UGT1A6: variants seen among roughly 807,000 people sequenced by gnomAD.
UGT1A6 encodes UDP glucuronosyltransferase family 1 member A6.
Under a neutral mutation model 44.4 loss-of-function variants are expected in UGT1A6, and 32 were observed. The observed-to-expected ratio is 0.72, with a 90% CI of 0.54 to 0.97. The LOEUF (loss-of-function observed/expected upper bound fraction) is 0.97. UGT1A6 is among the 50% of genes least tolerant of loss of function. The pLI is 0.00. For synonymous variants in UGT1A6, 238 were observed against 248.5 expected, an observed-to-expected ratio of 0.96 and a Z score of 0.40; for missense variants, 685 against 661.9, an observed-to-expected ratio of 1.03 and a Z score of -0.38.
chr2:233,713,574 C>A (rs1477870335), intron 1 of UGT1A6: 4 of 1,613,856 alleles, frequency 2.5e-6, no homozygotes, highest in Non-Finnish European at 3.4e-6. Context: ...CTCCTATATT[C>A]CTAGATTACT....
chr2:233,743,752 C>A, intron 1 of UGT1A6: 1 of 1,367,386 alleles, frequency 7.3e-7, no homozygotes, highest in Non-Finnish European at 9.8e-7. Context: ...CGTCCGACAA[C>A]ACCTCGTAGG....
At chr2:233,747,819 G>T (rs1219645107) in intron 1 of UGT1A6, 12 of 1,613,452 alleles carry the variant, frequency 7.4e-6, no homozygotes, top group Non-Finnish European at 1.0e-5. Context: ...GACCAATTCA[G>T]ACCACATGAC....
At chr2:233,744,122 C>T in intron 1 of UGT1A6, 1 of 368,854 alleles carries the variant, frequency 2.7e-6, no homozygotes, top group Non-Finnish European at 5.1e-6. Flanking sequence ...CTCTGTGAGG[C>T]TCTGTGAGGC....
At chr2:233,740,153 C>G (rs1191038998) in intron 1 of UGT1A6, among the ~76,000 whole-genome samples, 1 of 151,824 alleles carries the variant, frequency 6.6e-6, no homozygotes, top group African/African-American at 2.4e-5. Context: ...CCTGAGGCCT[C>G]CCCAGTCATG....
chr2:233,707,414 C>T (rs1356640381), intron 1 of UGT1A6, among the ~76,000 whole-genome samples: 2 of 152,084 alleles, frequency 1.3e-5, no homozygotes, highest in Non-Finnish European at 2.9e-5. Context: ...CTCTCTCCCT[C>T]GACTATTTCT....
At chr2:233,747,916 C>A in intron 1 of UGT1A6, 1 of 1,613,518 alleles carries the variant, frequency 6.2e-7, no homozygotes, top group South Asian at 1.1e-5. Context: ...GCAAGCCTTG[C>A]CTCTGAGCTT....
intron 1 of UGT1A6, among the ~76,000 whole-genome samples, chr2:233,738,514 T>A (rs1690809776): frequency 6.6e-6 from 1 of 152,156 alleles, no homozygotes; most frequent in Admixed American, 6.5e-5. Context: ...ATGCTGATAA[T>A]GTTGTGGACA....
intron 1 of UGT1A6, chr2:233,743,940 C>T: frequency 7.4e-7 from 1 of 1,353,480 alleles, no homozygotes; most frequent in Non-Finnish European, 9.9e-7. Context: ...AACGGCCCAC[C>T]AGGCACTGGC....
At chr2:233,747,820 A>T in intron 1 of UGT1A6, 1 of 1,613,402 alleles carries the variant, frequency 6.2e-7, no homozygotes, top group East Asian at 2.2e-5. Context: ...ACCAATTCAG[A>T]CCACATGACA....
At chr2:233,746,142 G>A (rs1693316730) in intron 1 of UGT1A6, among the ~76,000 whole-genome samples, 1 of 151,850 alleles carries the variant, frequency 6.6e-6, no homozygotes, top group Admixed American at 6.5e-5. Flanking sequence ...GCACCTGAGT[G>A]ATAGCATGAT....
At chr2:233,714,022 T>C (rs1174092700) in intron 1 of UGT1A6, among the ~76,000 whole-genome samples, 2 of 152,152 alleles carry the variant, frequency 1.3e-5, no homozygotes, top group Non-Finnish European at 2.9e-5. Context: ...AAAGGGTCAA[T>C]GGTAGTGCAG....
chr2:233,763,101 G>A (rs911643886), intron 1 of UGT1A6, among the ~76,000 whole-genome samples: 8 of 152,178 alleles, frequency 5.3e-5, no homozygotes, highest in African/African-American at 1.7e-4. Context: ...GAGAGGCACC[G>A]AACTTTATCA....
chr2:233,705,487 T>C (rs1377718108), intron 1 of UGT1A6, among the ~76,000 whole-genome samples: 1 of 152,176 alleles, frequency 6.6e-6, no homozygotes. Flanking sequence ...AATTTAATGA[T>C]AATAAATACC....
At chr2:233,767,774 T>A in intron 2 of UGT1A6, 75 bp from the exon 3 acceptor site, 1 of 1,612,214 alleles carries the variant, frequency 6.2e-7, no homozygotes, top group Non-Finnish European at 8.5e-7. Context: ...CCCTGTTTTC[T>A]AGTTAGTATA....
rs536568822 is a variant in UGT1A6 at position 233,693,974 on chromosome 2, C to T, written c.861+109C>T. ...TCCCTTGGAGGATTTCCTGGAGAAA[C>T]GGTGGGGGGAAGTGATACCCGGCTC... is the stretch of plus-strand genomic sequence containing the variant. On this transcript the variant is annotated intron_variant, in intron 1 of 4. Transcript: ENST00000305139. 146 of 1,566,540 alleles carry T rather than the reference C, an allele frequency of 9.3e-5. No homozygotes were observed. In the East Asian group the frequency reaches 2.5e-3, roughly 26 times the overall value.
At position 233,725,055 on chromosome 2, in the gene UGT1A6, C is replaced by T. The variant is rs1006940909; in HGVS notation, c.861+31190C>T. On this transcript the variant is annotated intron_variant, in intron 1 of 4. Transcript: ENST00000305139. ...CACCAAAACCAGTCAGGCGTGGCGG[C>T]GCGCGCCTGCAATCGCAGGCACTCG... is the stretch of plus-strand genomic sequence containing the variant. Among the ~76,000 whole-genome samples the T allele has an allele frequency of 2.2e-4, 33 of 147,502 alleles. 1 individual carries two copies. The highest frequency in any genetic ancestry group is 9.3e-4 in the South Asian group (4 of 4,294).
intron 1 of UGT1A6, among the ~76,000 whole-genome samples, chr2:233,740,427 G>A (rs1010864100): frequency 1.4e-4 from 22 of 151,978 alleles, no homozygotes; most frequent in Admixed American, 1.4e-3. Flanking sequence ...CCTGTTTGGA[G>A]ACAGAAAGTG....
chr2:233,756,342 A>G (rs1696188900), intron 1 of UGT1A6: 1 of 152,190 alleles, frequency 6.6e-6, no homozygotes, highest in Non-Finnish European at 1.5e-5. Flanking sequence ...TCATCTCTTG[A>G]TTACTTTTAC....
chr2:233,729,069 G>A (rs983244934), intron 1 of UGT1A6: 166 of 1,611,318 alleles, frequency 1.0e-4, no homozygotes, highest in Non-Finnish European at 1.2e-4. Flanking sequence ...GATGAAGAAA[G>A]CAAATGTAGC....
Sources: gnomAD v4.1 joint callset for allele counts (sites outside exome capture counted in the v4.1 genomes callset) on GRCh38, gnomAD v4.1.1 for gene constraint, MANE v1.5 for transcripts, NCBI Gene and HGNC (gene_info 2026-07-23, HGNC 2026-07-21) for gene names.